Variants in GLI3 observed in about 807,000 individuals in gnomAD.
The protein encoded by GLI3 is transcription activator GLI3.
A neutral mutation model predicts 100.8 loss-of-function variants in GLI3; 20 were observed. The ratio of observed to expected loss-of-function variants is 0.20; its 90% CI spans 0.14 to 0.29. The LOEUF is 0.29. Ranked by LOEUF, GLI3 falls within the 10% of genes least tolerant of loss-of-function variation. The pLI, the probability that GLI3 is intolerant of heterozygous loss-of-function variation, is 1.00. For synonymous variants in GLI3, 938 were observed against 860.5 expected (o/e 1.09, Z -1.58); for missense variants, 2,040 against 2,128.5 (o/e 0.96, Z 0.82).
intron 2 of GLI3, among the ~76,000 whole-genome samples, chr7:42,182,670 A>ATATATATATATATACACATGTGTG (rs1562775846): frequency 2.6e-4 from 19 of 73,332 alleles, no homozygotes; most frequent in South Asian, 4.6e-4. Context: ...ATATATATAT[A>ATATATATATATATACACATGTGTG]TATATATATA....
At chr7:42,205,903 C>T (rs1788141371) in intron 2 of GLI3, among the ~76,000 whole-genome samples, 2 of 152,114 alleles carry the variant, frequency 1.3e-5, no homozygotes, top group African/African-American at 4.8e-5. Flanking sequence ...AGAAAAACGA[C>T]TAAGATTGCT....
intron 1 of GLI3, among the ~76,000 whole-genome samples, chr7:42,251,231 A>G (rs1789027493): frequency 6.6e-6 from 1 of 152,152 alleles, no homozygotes; most frequent in Non-Finnish European, 1.5e-5. Context: ...CAATTTTTCC[A>G]CAGGTTGGGG....
chr7:42,228,595 C>G (rs939725674), intron 1 of GLI3, among the ~76,000 whole-genome samples: 1 of 152,204 alleles, frequency 6.6e-6, no homozygotes, highest in Admixed American at 6.5e-5. Context: ...TCAGAGGGCT[C>G]TTTTAACTGG....
intron 12 of GLI3, among the ~76,000 whole-genome samples, chr7:41,977,341 A>T (rs1787537957): frequency 6.6e-6 from 1 of 152,202 alleles, no homozygotes; most frequent in Non-Finnish European, 1.5e-5. Flanking sequence ...CAGGGGTTTT[A>T]AGAAGTTTCC....
intron 13 of GLI3, among the ~76,000 whole-genome samples, chr7:41,969,385 C>G (rs1026030291): frequency 6.6e-6 from 1 of 152,192 alleles, no homozygotes; most frequent in East Asian, 1.9e-4. Flanking sequence ...CACAGTGCCA[C>G]CAGGAAGGGC....
intron 7 of GLI3, among the ~76,000 whole-genome samples, chr7:42,027,509 G>A (rs115407094): frequency 2.0e-5 from 3 of 152,116 alleles, no homozygotes; most frequent in Non-Finnish European, 2.9e-5. Context: ...GCTATTAAGC[G>A]CATTAAAGGA....
At chr7:42,145,452 T>C (rs79706423) in intron 3 of GLI3, 45,698 of 397,778 alleles carry the variant, frequency 0.11, 3,143 homozygotes, top group Non-Finnish European at 0.14. Flanking sequence ...CAGAAAAAAG[T>C]TATAGTCGAT....
chr7:42,120,387 G>A (rs1261061081), intron 3 of GLI3, among the ~76,000 whole-genome samples: 1 of 152,082 alleles, frequency 6.6e-6, no homozygotes, highest in Non-Finnish European at 1.5e-5. Flanking sequence ...AGCTTGTGCC[G>A]AGGTTGAACA....
At chr7:42,046,069 C>A (rs1292254438) in intron 5 of GLI3, among the ~76,000 whole-genome samples, 1 of 152,154 alleles carries the variant, frequency 6.6e-6, no homozygotes, top group Admixed American at 6.5e-5. Flanking sequence ...TTTTACATTC[C>A]ATAATTTAAA....
chr7:42,085,247 T>C (rs1583543533), intron 3 of GLI3, among the ~76,000 whole-genome samples: 1 of 152,296 alleles, frequency 6.6e-6, no homozygotes, highest in Non-Finnish European at 1.5e-5. Context: ...AAACTAAGCC[T>C]GGTTTAGTTA....
chr7:42,188,711 A>T (rs1242393834), intron 2 of GLI3, among the ~76,000 whole-genome samples: 1 of 152,222 alleles, frequency 6.6e-6, no homozygotes, highest in Non-Finnish European at 1.5e-5. Flanking sequence ...GAGGAAACTT[A>T]TATCACTAAG....
At chr7:42,219,733 C>A (rs373875464) in intron 2 of GLI3, among the ~76,000 whole-genome samples, 2 of 152,136 alleles carry the variant, frequency 1.3e-5, no homozygotes, top group African/African-American at 4.8e-5. Context: ...ATTAAAGCAA[C>A]CTCACCAATA....
rs764027264 is a variant in GLI3, at chr7:41,966,120, G to T, written c.2953C>A (p.His985Asn). ...TGCAGGTGGCGCCGCCCGTAGCCGT[G>T]GGCTCCCCCGTCGCTGCACCTCCTC... Reference protein sequence around the residue: ...APRRCSDGGAHGYGRRHLQPH... With the variant: ...APRRCSDGGANGYGRRHLQPH... The change falls in exon 15 of 15, where the codon CAC becomes AAC. Residue 985 changes from histidine (H) to asparagine (N), a missense_variant. This residue lies in a region of GLI3 where 1,041 missense variants were observed against 924.0 expected (regional missense o/e 1.13). Coordinates refer to ENST00000395925, the MANE Select transcript of GLI3 (RefSeq NM_000168.6). The surrounding 1 kb of genome is among the most constrained non-coding windows in gnomAD (Gnocchi z 5.8). 3 of 1,580,862 alleles carry T rather than the reference G, an allele frequency of 1.9e-6. No individual in the cohort carries two copies. The East Asian group carries it at 6.9e-5, about 36-fold the overall frequency.
intron 10 of GLI3, among the ~76,000 whole-genome samples, chr7:42,018,063 G>C (rs2128728434): frequency 6.6e-6 from 1 of 152,302 alleles, no homozygotes; most frequent in Middle Eastern, 3.4e-3. Flanking sequence ...TCCTAGCTGG[G>C]CCTGGGGGGC....
upstream of GLI3, among the ~76,000 whole-genome samples, chr7:42,239,192 C>T (rs547416677): frequency 1.2e-3 from 176 of 152,344 alleles, no homozygotes; most frequent in African/African-American, 4.1e-3. Context: ...ACCACTGACT[C>T]ATCGCAGAGA....
rs1452471645 is a variant in GLI3 at position 42,170,287 on chromosome 7, T to TATATATATATATATATATACACACAC, written c.125-21820_125-21819insGTGTGTGTATATATATATATATATAT. 5.6e-5 allele frequency among the ~76,000 whole-genome samples: 7 copies of TATATATATATATATATATACACACAC among 123,996 alleles called. No individual in the cohort carries two copies. In the South Asian group the frequency reaches 1.5e-3, roughly 27 times the overall value. 81.3% of individuals were successfully genotyped at this position (123,996 alleles called of 152,430 possible). A position where few individuals can be genotyped will look rare whatever the true frequency, so the allele number is the denominator to read the frequency against. On this transcript the variant is annotated intron_variant, in intron 2 of 14. Coordinates refer to ENST00000395925, the MANE Select transcript of GLI3 (RefSeq NM_000168.6). ...AAAATTATATATATATATATATATA[T>TATATATATATATATATATACACACAC]ACACACACATATGTATATATTTAAA...
chr7:42,258,526 C>T (rs561991521), intron 1 of GLI3, among the ~76,000 whole-genome samples: 2 of 152,310 alleles, frequency 1.3e-5, no homozygotes, highest in African/African-American at 4.8e-5. Context: ...TTTTCCTATA[C>T]ATGATTAAGA....
intron 10 of GLI3, among the ~76,000 whole-genome samples, chr7:42,001,265 A>G (rs1395234807): frequency 6.6e-6 from 1 of 151,904 alleles, no homozygotes; most frequent in Admixed American, 6.6e-5. Flanking sequence ...GTTAAAAAAA[A>G]AAAGGGGAAA....
At chr7:41,979,975 T>TCGC (rs1787610316) in intron 10 of GLI3, among the ~76,000 whole-genome samples, 1 of 151,954 alleles carries the variant, frequency 6.6e-6, no homozygotes, top group South Asian at 2.1e-4. Context: ...TAGATGGCCT[T>TCGC]TCGCTTTAGG....
Sources: allele counts gnomAD v4.1 joint callset (sites outside exome capture counted in the v4.1 genomes callset), GRCh38; gene constraint gnomAD v4.1.1; regional missense constraint gnomAD v4.1.1; non-coding constraint Gnocchi (gnomAD v3.1); transcripts MANE v1.5; gene names NCBI Gene and HGNC (gene_info 2026-07-23, HGNC 2026-07-21).